The following MTMR9 variants were observed in gnomAD, a reference collection of about 807,000 sequenced individuals.
The protein encoded by MTMR9 is myotubularin related protein 9, also known as myotubularin-related protein 9.
Under a neutral mutation model 69.5 loss-of-function variants are expected in MTMR9, and 39 were observed. The ratio of observed to expected loss-of-function variants is 0.56; its 90% confidence interval spans 0.43 to 0.73. The LOEUF is 0.73. Ranked by LOEUF, MTMR9 falls within the 30% of genes least tolerant of loss-of-function variation. The probability of loss-of-function intolerance (pLI) is 0.00; values close to 1 mark genes in which losing one functional copy is unlikely to be tolerated. For synonymous variants in MTMR9, 354 were observed against 240.8 expected (o/e 1.47, Z -4.35); for missense variants, 900 against 671.2 (o/e 1.34, Z -3.77).
At chr8:11,312,643 G>C (rs1184332403) in intron 6 of MTMR9, among the ~76,000 whole-genome samples, 1 of 152,168 alleles carries the variant, frequency 6.6e-6, no homozygotes. Flanking sequence ...TCTTTTTAAT[G>C]TTGATGTTTT....
chr8:11,322,167 T>G (rs531597458), intron 9 of MTMR9, among the ~76,000 whole-genome samples: 14 of 152,322 alleles, frequency 9.2e-5, no homozygotes, highest in Admixed American at 9.1e-4. Context: ...TAACAACATA[T>G]GTGGTTCTGC....
rs150393337 is a variant in MTMR9, at chr8:11,303,010, C to G, written c.418-1831C>G. ...GACAATATACTCATGGATAGAGAGA[C>G]TGAATATTCTAAAGATGTAAGTCAT... is the stretch of plus-strand genomic sequence containing the variant. On this transcript the variant is annotated intron_variant, in intron 3 of 9. Coordinates refer to ENST00000221086, the MANE Select transcript of MTMR9 (RefSeq NM_015458.4). Among the ~76,000 whole-genome samples the G allele has an allele frequency of 1.9e-3, 287 of 151,474 alleles. 2 individuals are homozygous for G. Among genetic ancestry groups the G allele is most frequent in the African/African-American group, 6.7e-3 (278 of 41,264 alleles).
intron 2 of MTMR9, among the ~76,000 whole-genome samples, chr8:11,296,273 G>A (rs1799556794): frequency 6.6e-6 from 1 of 152,126 alleles, no homozygotes; most frequent in South Asian, 2.1e-4. Flanking sequence ...TTTTAGGGCT[G>A]TTGTAAGAAT....
At position 11,327,756 on chromosome 8, in the gene MTMR9, C is replaced by G. The variant is rs1201120181; in HGVS notation, c.*4968C>G. ...ATGGCAAATATGTCTATAATGTATG[C>G]TTTGCTGAAACCTCAAGAGTGCTGT... On this transcript the variant is annotated 3_prime_UTR_variant, in exon 10 of 10. Transcript: ENST00000221086. 6.6e-6 allele frequency: 1 copy of G among 152,482 alleles called. No individual in the cohort carries two copies. The highest frequency in any genetic ancestry group is 2.1e-4 in the South Asian group (1 of 4,830). 9.4% of individuals were successfully genotyped at this position (152,482 alleles called of 1,614,324 possible). A position where few individuals can be genotyped will look rare whatever the true frequency, so the allele number is the denominator to read the frequency against.
chr8:11,298,330 TCTG>T (rs1468762625), intron 2 of MTMR9, among the ~76,000 whole-genome samples: 3 of 152,088 alleles, frequency 2.0e-5, no homozygotes, highest in African/African-American at 7.2e-5. Context: ...CGCTGGCTGT[TCTG>T]CTTCTGTTTG....
At chr8:11,290,247 A>C (rs1269523802) in intron 1 of MTMR9, among the ~76,000 whole-genome samples, 2 of 152,064 alleles carry the variant, frequency 1.3e-5, no homozygotes, top group South Asian at 2.1e-4. Flanking sequence ...GTATACTTAA[A>C]ATTTTTTTTT....
chr8:11,297,342 A>G (rs954154726), intron 2 of MTMR9, among the ~76,000 whole-genome samples: 3 of 152,238 alleles, frequency 2.0e-5, no homozygotes, highest in Non-Finnish European at 4.4e-5. Flanking sequence ...GATGAACTGA[A>G]CTGTTTGTCT....
intron 3 of MTMR9, among the ~76,000 whole-genome samples, chr8:11,303,090 A>G (rs1455148100): frequency 6.6e-6 from 1 of 151,174 alleles, no homozygotes; most frequent in Non-Finnish European, 1.5e-5. Context: ...GTTGGTTTTT[A>G]TATTGAATTT....
intron 4 of MTMR9, 134 bp from the exon 5 acceptor site, chr8:11,306,056 G>A: frequency 5.8e-6 from 4 of 695,500 alleles, no homozygotes; most frequent in Non-Finnish European, 9.7e-6. Context: ...ATATTTCTTT[G>A]TTTATGGATC....
downstream of MTMR9, among the ~76,000 whole-genome samples, chr8:11,330,152 C>T (rs1294411434): frequency 3.7e-5 from 5 of 133,352 alleles, no homozygotes; most frequent in African/African-American, 1.2e-4. Context: ...GGAGGGAGGT[C>T]GGGGATCAGC....
Position 11,325,580 on chromosome 8 carries a change from AAAT to A in MTMR9, c.*2797_*2799del, listed in dbSNP as rs1283955707. 3 of 152,300 alleles carry A rather than the reference AAAT, an allele frequency of 2.0e-5. No homozygotes were observed. Among genetic ancestry groups the A allele is most frequent in the Non-Finnish European group, 4.4e-5 (3 of 68,030 alleles). The allele number at this position is 152,300 out of a possible 1,614,324, so 9.4% of individuals were successfully genotyped here. ...AGGAGATACGTAAAGTAGGCCCCAC[AAAT>A]AATATTTTTAAAATACAAAGGATCA... On this transcript the variant is annotated 3_prime_UTR_variant, in exon 10 of 10. Coordinates refer to ENST00000221086, the MANE Select transcript of MTMR9 (RefSeq NM_015458.4).
intron 3 of MTMR9, among the ~76,000 whole-genome samples, chr8:11,301,933 C>G (rs1441969539): frequency 1.3e-5 from 2 of 151,876 alleles, no homozygotes; most frequent in Non-Finnish European, 2.9e-5. Context: ...GGAAGAAGAT[C>G]CAATATTTAT....
At chr8:11,320,116 G>T in intron 9 of MTMR9, 1 of 299,726 alleles carries the variant, frequency 3.3e-6, no homozygotes, top group Non-Finnish European at 6.1e-6. Context: ...CTTACTCTTT[G>T]CCTAAGAGAG....
intron 6 of MTMR9, among the ~76,000 whole-genome samples, chr8:11,314,444 T>C (rs1800328656): frequency 6.6e-6 from 1 of 152,152 alleles, no homozygotes; most frequent in Non-Finnish European, 1.5e-5. Context: ...CCAGATTGAA[T>C]TACAGTTTAT....
At chr8:11,298,722 C>CT in intron 2 of MTMR9, 2 of 670,096 alleles carry the variant, frequency 3.0e-6, no homozygotes, top group African/African-American at 2.3e-5. Context: ...CCCGCTGCAC[C>CT]CCCCCCCCGC....
In MTMR9 at chr8:11,327,255, A is replaced by G. The variant is rs756906245; in HGVS notation, c.*4467A>G. ...CTTAATGTTCCAGCTCTTGAACTAC[A>G]CTGTGGAACAGTAATTTGTGCCCAA... On this transcript the variant is annotated 3_prime_UTR_variant, in exon 10 of 10. Coordinates refer to ENST00000221086, the MANE Select transcript of MTMR9 (RefSeq NM_015458.4). The G allele has an allele frequency of 1.3e-5, 2 of 152,192 alleles. No homozygotes were observed. The highest frequency in any genetic ancestry group is 2.9e-5 in the Non-Finnish European group (2 of 68,030). The allele number at this position is 152,192 out of a possible 1,614,324, so 9.4% of individuals were successfully genotyped here.
chr8:11,338,624 A>C, the MTMR9 span, among the ~76,000 whole-genome samples: 1 of 152,226 alleles, frequency 6.6e-6, no homozygotes. Flanking sequence ...ATTCCTATGG[A>C]TGAGACTGGC....
intron 2 of MTMR9, chr8:11,298,964 A>C: frequency 1.5e-6 from 1 of 689,080 alleles, no homozygotes. Context: ...TACATGACCA[A>C]ATGGCATATA....
intron 3 of MTMR9, among the ~76,000 whole-genome samples, chr8:11,304,196 C>G (rs1799852442): frequency 6.6e-6 from 1 of 152,168 alleles, no homozygotes; most frequent in Non-Finnish European, 1.5e-5. Flanking sequence ...GACTCCTAAG[C>G]TTAACCTTCC....
Sources: gnomAD v4.1 joint callset for allele counts (sites outside exome capture counted in the v4.1 genomes callset) on GRCh38, gnomAD v4.1.1 for gene constraint, MANE v1.5 for transcripts, NCBI Gene and HGNC (gene_info 2026-07-23, HGNC 2026-07-21) for gene names.